Variants in CNTNAP2 observed in about 807,000 individuals in gnomAD.
CNTNAP2 encodes contactin associated protein 2, also known as contactin-associated protein-like 2.
CNTNAP2 carries 98 observed loss-of-function variants against 155.2 expected under a neutral mutation model. The observed-to-expected ratio is 0.63, with a 90% CI of 0.54 to 0.75. CNTNAP2 has a LOEUF of 0.75. Among genes scored for constraint, CNTNAP2 ranks in the 30% least tolerant of loss-of-function variants. The probability of loss-of-function intolerance (pLI) is 0.00; values close to 1 mark genes in which losing one functional copy is unlikely to be tolerated. For synonymous variants in CNTNAP2, 651 were observed against 631.2 expected (o/e 1.03, Z -0.47); for missense variants, 1,727 against 1,688.1 (o/e 1.02, Z -0.40).
chr7:148,208,566 T>C (rs1410208140), intron 18 of CNTNAP2, among the ~76,000 whole-genome samples: 1 of 151,812 alleles, frequency 6.6e-6, no homozygotes, highest in African/African-American at 2.4e-5. Context: ...CCAAAGAGAG[T>C]TTCCAAAGGC....
At chr7:146,427,470 C>T (rs1796109926) in intron 1 of CNTNAP2, among the ~76,000 whole-genome samples, 2 of 152,118 alleles carry the variant, frequency 1.3e-5, no homozygotes. Flanking sequence ...TGTGACAAAA[C>T]TTTATTCTTC....
chr7:147,218,836 C>G (rs1803331495), intron 8 of CNTNAP2, among the ~76,000 whole-genome samples: 1 of 152,184 alleles, frequency 6.6e-6, no homozygotes, highest in Non-Finnish European at 1.5e-5. Flanking sequence ...AAGTCTCCAA[C>G]TATAATGGTG....
intron 13 of CNTNAP2, among the ~76,000 whole-genome samples, chr7:147,741,309 G>A (rs1256059524): frequency 6.6e-6 from 1 of 152,158 alleles, no homozygotes; most frequent in African/African-American, 2.4e-5. Context: ...ACCACAAAGG[G>A]CAATGTCACC....
intron 1 of CNTNAP2, among the ~76,000 whole-genome samples, chr7:146,158,661 A>G (rs1172591254): frequency 6.6e-6 from 1 of 152,188 alleles, no homozygotes; most frequent in African/African-American, 2.4e-5. Context: ...AGATCAAATG[A>G]ATGAAATGAA....
chr7:147,980,933 CAAAAAAAAAAAA>C lies in CNTNAP2; in HGVS notation c.2383+2956_2383+2967del, dbSNP rs34927518. On this transcript the variant is annotated intron_variant, in intron 15 of 23. Coordinates refer to ENST00000361727, the MANE Select transcript of CNTNAP2 (RefSeq NM_014141.6). Reference sequence around the variant, plus strand: ...GTGACAGAGCAAGACTCCATCTTAACAAAAAAAAAAAAAAAAAAAAAAAGAATGTTCTCACAT... The same window carrying C: ...GTGACAGAGCAAGACTCCATCTTAACAAAAAAAAAAAGAATGTTCTCACAT... 3.0e-3 allele frequency among the ~76,000 whole-genome samples: 286 copies of C among 94,014 alleles called. 4 individuals carry two copies. The highest frequency in any genetic ancestry group is 4.8e-4 in the Non-Finnish European group (25 of 51,552). 61.7% of individuals were successfully genotyped at this position (94,014 alleles called of 152,430 possible). A position where few individuals can be genotyped will look rare whatever the true frequency, so the allele number is the denominator to read the frequency against.
intron 1 of CNTNAP2, among the ~76,000 whole-genome samples, chr7:146,365,650 T>C (rs1434494952): frequency 6.6e-6 from 1 of 152,200 alleles, no homozygotes; most frequent in African/African-American, 2.4e-5. Context: ...AGTTAAAATA[T>C]TAGAATTTAA....
chr7:148,341,296 A>G (rs914176263), intron 21 of CNTNAP2, among the ~76,000 whole-genome samples: 1 of 134,224 alleles, frequency 7.5e-6, no homozygotes, highest in African/African-American at 2.8e-5. Flanking sequence ...TTTTTTTTTT[A>G]ATCAGTAGCT....
intron 1 of CNTNAP2, among the ~76,000 whole-genome samples, chr7:146,690,743 CATG>C (rs1228867134): frequency 2.0e-5 from 3 of 151,998 alleles, no homozygotes; most frequent in Admixed American, 2.0e-4. Flanking sequence ...GAAAATACAT[CATG>C]ATAATTTTTG....
At chr7:147,426,409 A>G (rs1472345895) in intron 10 of CNTNAP2, among the ~76,000 whole-genome samples, 1 of 152,142 alleles carries the variant, frequency 6.6e-6, no homozygotes, top group Non-Finnish European at 1.5e-5. Flanking sequence ...AAAACTCTTG[A>G]ACATGACTTC....
At chr7:147,599,098 A>G (rs557088764) in intron 12 of CNTNAP2, among the ~76,000 whole-genome samples, 1 of 152,202 alleles carries the variant, frequency 6.6e-6, no homozygotes, top group East Asian at 1.9e-4. Flanking sequence ...CGTTGTAAAA[A>G]CTTCTCCACT....
Position 147,031,922 on chromosome 7 carries a change from A to G in CNTNAP2, c.403-11985A>G, listed in dbSNP as rs569709486. ...AACAGAAAAAGACTCTGTCAAAACA[A>G]AAGGCAAAATTAACTATGGTTATAG... On this transcript the variant is annotated intron_variant, in intron 3 of 23. Coordinates refer to ENST00000361727, the MANE Select transcript of CNTNAP2 (RefSeq NM_014141.6). Among the ~76,000 whole-genome samples the G allele has an allele frequency of 1.2e-4, 19 of 152,340 alleles. No homozygotes were observed. The South Asian group carries it at 3.9e-3, about 32-fold the overall frequency.
chr7:147,319,594 T>C (rs1364838744), intron 9 of CNTNAP2, among the ~76,000 whole-genome samples: 3 of 152,148 alleles, frequency 2.0e-5, no homozygotes, highest in Non-Finnish European at 2.9e-5. Flanking sequence ...GCCAGGCTTG[T>C]TTAGAACTCC....
rs949389622 is a variant in CNTNAP2, at chr7:147,861,266, C to T, written c.2099-42299C>T. 3.5e-4 allele frequency among the ~76,000 whole-genome samples: 53 copies of T among 152,324 alleles called. 1 individual carries two copies. Among genetic ancestry groups the T allele is most frequent in the East Asian group, 5.8e-4 (3 of 5,172 alleles). ...AACATAATGGTGGTTATTGAGCCAT[C>T]AGACCATGCTTTCAGCAGATACTTG... On this transcript the variant is annotated intron_variant, in intron 13 of 23. Coordinates refer to ENST00000361727, the MANE Select transcript of CNTNAP2 (RefSeq NM_014141.6).
At chr7:146,376,193 C>T (rs1795300668) in intron 1 of CNTNAP2, among the ~76,000 whole-genome samples, 1 of 152,160 alleles carries the variant, frequency 6.6e-6, no homozygotes. Context: ...TTTGCTAGTA[C>T]ACATATCTAT....
chr7:147,392,449 G>T (rs1048922888), intron 9 of CNTNAP2, among the ~76,000 whole-genome samples: 1 of 151,698 alleles, frequency 6.6e-6, no homozygotes, highest in Non-Finnish European at 1.5e-5. Flanking sequence ...AGATTTTGGT[G>T]CACCCATCAC....
At chr7:146,848,804 G>C (rs60539644) in intron 3 of CNTNAP2, among the ~76,000 whole-genome samples, 2 of 152,102 alleles carry the variant, frequency 1.3e-5, no homozygotes, top group Non-Finnish European at 2.9e-5. Context: ...ACAGAATCTC[G>C]CTCTGTTGCC....
intron 12 of CNTNAP2, among the ~76,000 whole-genome samples, chr7:147,593,090 C>T (rs1008814610): frequency 6.6e-6 from 1 of 152,094 alleles, no homozygotes. Flanking sequence ...ACAAAACAAA[C>T]ATTACCCTTG....
intron 3 of CNTNAP2, among the ~76,000 whole-genome samples, chr7:146,959,815 G>C (rs1029046316): frequency 1.3e-5 from 2 of 152,022 alleles, no homozygotes; most frequent in Non-Finnish European, 2.9e-5. Context: ...CAAAGCAAAG[G>C]TTTCAAGAAG....
intron 1 of CNTNAP2, among the ~76,000 whole-genome samples, chr7:146,765,549 A>G (rs1172642181): frequency 6.6e-6 from 1 of 152,208 alleles, no homozygotes; most frequent in Non-Finnish European, 1.5e-5. Context: ...AGGTTGTGTT[A>G]TGCTGCATGA....
Sources: gnomAD v4.1 joint callset for allele counts (sites outside exome capture counted in the v4.1 genomes callset) on GRCh38, gnomAD v4.1.1 for gene constraint, MANE v1.5 for transcripts, NCBI Gene and HGNC (gene_info 2026-07-23, HGNC 2026-07-21) for gene names.